The following USP1 variants were observed in gnomAD, a reference collection of about 807,000 sequenced individuals.
USP1 encodes ubiquitin carboxyl-terminal hydrolase 1.
Under a neutral mutation model 72.2 loss-of-function variants are expected in USP1, and 18 were observed. That is an observed-to-expected ratio of 0.25 (90% CI 0.17 to 0.37). USP1 has a LOEUF of 0.37. Among genes scored for constraint, USP1 ranks in the 10% least tolerant of loss-of-function variants. USP1 has a pLI of 1.00. For synonymous variants in USP1, 354 were observed against 303.7 expected (o/e 1.17, Z -1.72); for missense variants, 759 against 884.9 (o/e 0.86, Z 1.81).
At chr1:62,440,363 T>TTAAA (rs1645123926) in intron 2 of USP1, among the ~76,000 whole-genome samples, 2 of 148,670 alleles carry the variant, frequency 1.3e-5, no homozygotes. Flanking sequence ...GTAAAAGGTT[T>TTAAA]TATATATATA....
intron 7 of USP1, 80 bp from the exon 8 acceptor site, chr1:62,448,385 T>A: frequency 7.3e-7 from 1 of 1,377,490 alleles, no homozygotes; most frequent in Non-Finnish European, 1.0e-6. Context: ...AATTAAATGC[T>A]AATTTTGAAC....
chr1:62,443,136 TTTG>T lies in USP1; in HGVS notation c.397-21_397-19del, dbSNP rs757922210. On this transcript the variant is annotated intron_variant, in intron 4 of 8. Transcript: ENST00000339950. Reference sequence around the variant, plus strand: ...CTTAATTTGTTCATAAAATTATTGGTTTGTGTGTTTCTTTCTTGACAGGGAAAT... The same window carrying T: ...CTTAATTTGTTCATAAAATTATTGGTTGTGTTTCTTTCTTGACAGGGAAAT... 6.2e-7 allele frequency: 1 copy of T among 1,601,976 alleles called. No homozygotes were observed. Among genetic ancestry groups the T allele is most frequent in the Admixed American group, 1.7e-5 (1 of 57,464 alleles).
chr1:62,439,057 A>G (rs1275940093), intron 1 of USP1, among the ~76,000 whole-genome samples: 1 of 152,218 alleles, frequency 6.6e-6, no homozygotes, highest in Non-Finnish European at 1.5e-5. Context: ...TAGAAAAGGC[A>G]TTGGAAGAGA....
rs3737890 is a variant in USP1 at position 62,439,754 on chromosome 1, A to G, written c.-69-45A>G. The G allele has an allele frequency of 0.012, 12,083 of 1,013,180 alleles. 497 individuals are homozygous for G. The highest frequency in any genetic ancestry group is 0.11 in the African/African-American group (6,618 of 60,270). 62.8% of individuals were successfully genotyped at this position (1,013,180 alleles called of 1,614,324 possible). ...TTCAAAATTGATGATTTTGTTGCCA[A>G]AACTGATAACCAAAAACTAATGAAA... On this transcript the variant is annotated intron_variant, in intron 1 of 8. Transcript: ENST00000339950.
At chr1:62,442,908 T>G (rs576031014) in intron 4 of USP1, among the ~76,000 whole-genome samples, 5 of 151,976 alleles carry the variant, frequency 3.3e-5, no homozygotes, top group Non-Finnish European at 5.9e-5. Context: ...GAGGCTGAGG[T>G]GGAGGATTGC....
Position 62,451,212 on chromosome 1 carries a change from A to G in USP1, c.*231A>G, listed in dbSNP as rs1645214585. On this transcript the variant is annotated 3_prime_UTR_variant, in exon 9 of 9. Transcript: ENST00000339950. ...CATTAGCTTCTGGGAACAAACTTGT[A>G]TCGGTTCTTAATTAAATTATCCAAA... 2.7e-6 allele frequency: 1 copy of G among 374,764 alleles called. No homozygotes were observed. Among genetic ancestry groups the G allele is most frequent in the Non-Finnish European group, 4.6e-6 (1 of 215,484 alleles). 23.2% of individuals were successfully genotyped at this position (374,764 alleles called of 1,614,324 possible).
intron 2 of USP1, among the ~76,000 whole-genome samples, chr1:62,440,898 G>T (rs887014954): frequency 2.0e-5 from 3 of 152,090 alleles, no homozygotes; most frequent in Non-Finnish European, 4.4e-5. Context: ...TGTTGCCCAG[G>T]CTGGTCTTGA....
intron 2 of USP1, 50 bp from the exon 3 acceptor site, chr1:62,441,438 C>T (rs771211665): frequency 2.0e-6 from 3 of 1,491,224 alleles, no homozygotes; most frequent in Non-Finnish European, 1.8e-6. Flanking sequence ...ATATTTTCAC[C>T]TTGTTTCTTT....
chr1:62,451,079 A>C lies in USP1; in HGVS notation c.*98A>C, dbSNP rs776683700. 441 of 1,226,366 alleles carry C rather than the reference A, an allele frequency of 3.6e-4. No homozygotes were observed. The highest frequency in any genetic ancestry group is 4.6e-4 in the Non-Finnish European group (415 of 904,204). The allele number at this position is 1,226,366 out of a possible 1,614,324, so 76.0% of individuals were successfully genotyped here. ...AATCTTTAGCTTATCTTTTGAAGCT[A>C]CTGGATATTATTGGTCTCTCTAGGT... On this transcript the variant is annotated 3_prime_UTR_variant, in exon 9 of 9. Coordinates refer to ENST00000339950, the MANE Select transcript of USP1 (RefSeq NM_003368.5).
chr1:62,443,007 A>T, intron 4 of USP1, 152 bp from the exon 5 acceptor site: 1 of 840,088 alleles, frequency 1.2e-6, no homozygotes. Context: ...CAAAATAAAA[A>T]AATAAAAAAT....
chr1:62,440,418 C>CAA (rs60688353), intron 2 of USP1, among the ~76,000 whole-genome samples: 49,571 of 151,608 alleles, frequency 0.33, 8,213 homozygotes, highest in South Asian at 0.42. Flanking sequence ...AGTTATAAGA[C>CAA]ATTTTAAACT....
At chr1:62,438,149 G>GT (rs1170940843) in intron 1 of USP1, among the ~76,000 whole-genome samples, 3 of 151,904 alleles carry the variant, frequency 2.0e-5, no homozygotes, top group African/African-American at 7.3e-5. Context: ...AGGAGGTTTG[G>GT]TTTTTTGATT....
At chr1:62,444,143 C>T (rs1177102793) in intron 5 of USP1, among the ~76,000 whole-genome samples, 1 of 151,638 alleles carries the variant, frequency 6.6e-6, no homozygotes, top group Non-Finnish European at 1.5e-5. Flanking sequence ...CCTGTAGTCC[C>T]ACCTACTCGG....
intron 2 of USP1, 134 bp downstream of exon 2, chr1:62,440,171 C>A: frequency 2.7e-6 from 2 of 738,520 alleles, no homozygotes; most frequent in Non-Finnish European, 1.9e-6. Flanking sequence ...TTAGTCAAAT[C>A]TAGCAGTTTA....
intron 5 of USP1, among the ~76,000 whole-genome samples, chr1:62,443,649 T>C (rs1293450502): frequency 3.3e-5 from 5 of 152,234 alleles, no homozygotes; most frequent in African/African-American, 4.8e-5. Context: ...ATTTTACTTA[T>C]ATGCCATATA....
chr1:62,447,447 T>C lies in USP1; in HGVS notation c.1356T>C (p.Asp452=). ...AAAGTTTAACAGAAAGAAGAGAAGA[T>C]TTTCAAGACATCAGTGTGCCAGTAC... ...ECESLTERRE[D]FQDISVPVQE... The change falls in exon 7 of 9, where the codon GAT becomes GAC. Residue 452 remains aspartate (D), a synonymous_variant. Coordinates refer to ENST00000339950, the MANE Select transcript of USP1 (RefSeq NM_003368.5). 6.2e-7 allele frequency: 1 copy of C among 1,614,144 alleles called. No individual in the cohort carries two copies. The highest frequency in any genetic ancestry group is 8.5e-7 in the Non-Finnish European group (1 of 1,180,018).
rs1274800149 is a variant in USP1 at position 62,445,444 on chromosome 1, T to A, written c.1249+15T>A. The A allele has an allele frequency of 6.6e-7, 1 of 1,504,780 alleles. No homozygotes were observed. The highest frequency in any genetic ancestry group is 8.8e-7 in the Non-Finnish European group (1 of 1,130,504). 93.2% of individuals were successfully genotyped at this position (1,504,780 alleles called of 1,614,324 possible). A position where few individuals can be genotyped will look rare whatever the true frequency, so the allele number is the denominator to read the frequency against. Reference sequence around the variant, plus strand: ...CATAAACAAAGGTTAGTATAATTCTTAGACTTTGATAGGTAGAAGCATTAG... The same window carrying A: ...CATAAACAAAGGTTAGTATAATTCTAAGACTTTGATAGGTAGAAGCATTAG... On this transcript the variant is annotated intron_variant, in intron 6 of 8. Coordinates refer to ENST00000339950, the MANE Select transcript of USP1 (RefSeq NM_003368.5).
chr1:62,437,286 C>T lies in USP1; in HGVS notation c.-184C>T, dbSNP rs1018999497. 2 of 397,484 alleles carry T rather than the reference C, an allele frequency of 5.0e-6. No homozygotes were observed. Among genetic ancestry groups the T allele is most frequent in the Non-Finnish European group, 8.9e-6 (2 of 225,778 alleles). The allele number at this position is 397,484 out of a possible 1,614,324, so 24.6% of individuals were successfully genotyped here. On this transcript the variant is annotated 5_prime_UTR_variant, in exon 1 of 9. Coordinates refer to ENST00000339950, the MANE Select transcript of USP1 (RefSeq NM_003368.5). ...GGGGAGGGCGAGCCGACCAGATTTT[C>T]CTGGGGCCGGGGACCCGGCGGGCTC...
At chr1:62,438,002 T>TGATTTA in intron 1 of USP1, among the ~76,000 whole-genome samples, 1 of 152,150 alleles carries the variant, frequency 6.6e-6, no homozygotes, top group South Asian at 2.1e-4. Flanking sequence ...CTGCGAAAGT[T>TGATTTA]GATTTAGTTA....
Sources: gnomAD v4.1 joint callset for allele counts (sites outside exome capture counted in the v4.1 genomes callset) on GRCh38, gnomAD v4.1.1 for gene constraint, MANE v1.5 for transcripts, NCBI Gene and HGNC (gene_info 2026-07-23, HGNC 2026-07-21) for gene names.